Variants in UBE2G1 observed in about 807,000 individuals in gnomAD.
UBE2G1 encodes ubiquitin-conjugating enzyme E2 G1.
Under a neutral mutation model 22.7 loss-of-function variants are expected in UBE2G1, and 5 were observed. The ratio of observed to expected loss-of-function variants is 0.22; its 90% CI spans 0.12 to 0.46. The LOEUF (loss-of-function observed/expected upper bound fraction) is 0.46, where lower values mean the gene tolerates loss of function less well. Ranked by LOEUF, UBE2G1 falls within the 20% of genes least tolerant of loss-of-function variation. UBE2G1 has a pLI of 0.99. For missense variants in UBE2G1, 88 were observed against 203.9 expected (o/e 0.43, Z 3.46); for synonymous variants, 74 against 67.5 (o/e 1.10, Z -0.47).
intron 3 of UBE2G1, among the ~76,000 whole-genome samples, chr17:4,291,074 C>G (rs1420437672): frequency 6.6e-6 from 1 of 152,132 alleles, no homozygotes; most frequent in East Asian, 1.9e-4. Flanking sequence ...CAGAATAACA[C>G]CGAGGGCCGG....
chr17:4,306,752 A>G (rs1296558340), intron 2 of UBE2G1, among the ~76,000 whole-genome samples: 2 of 151,884 alleles, frequency 1.3e-5, no homozygotes, highest in Non-Finnish European at 2.9e-5. Flanking sequence ...CCTGAGTTCA[A>G]GTGATTCTCC....
In UBE2G1 at chr17:4,345,660, A is replaced by G. The variant is rs1323495006; in HGVS notation, c.46+20611T>C. ...CTTTCTTTAGTCATAGTAACGAGAG[A>G]TATCTGGTACTCCATTGCATTTACT... On this transcript the variant is annotated intron_variant, in intron 1 of 5. Transcript: ENST00000396981. 3.9e-5 allele frequency: 6 copies of G among 152,342 alleles called. No homozygotes were observed. The East Asian group carries it at 7.7e-4, about 20-fold the overall frequency. The allele number at this position is 152,342 out of a possible 1,614,324, so 9.4% of individuals were successfully genotyped here.
intron 1 of UBE2G1, among the ~76,000 whole-genome samples, chr17:4,351,030 CAAAAA>C (rs796508050): frequency 9.1e-6 from 1 of 109,926 alleles, no homozygotes. Context: ...AAGACTTCGT[CAAAAA>C]AAAAAAAAAA....
chr17:4,344,315 C>T (rs1296161404), intron 1 of UBE2G1, among the ~76,000 whole-genome samples: 3 of 151,816 alleles, frequency 2.0e-5, no homozygotes, highest in South Asian at 2.1e-4. Context: ...CCGAGGCAGG[C>T]GGATCACGAG....
chr17:4,272,124 A>C lies in UBE2G1; in HGVS notation c.*430T>G, dbSNP rs753963564. ...ATTGCTTTTCATCTGACATGCTTAA[A>C]GGAATCCTTTTAAACTGATAAGAAA... On this transcript the variant is annotated 3_prime_UTR_variant, in exon 6 of 6. Coordinates refer to ENST00000396981, the MANE Select transcript of UBE2G1 (RefSeq NM_003342.5). The C allele has an allele frequency of 1.7e-4, 26 of 152,760 alleles. No homozygotes were observed. Among genetic ancestry groups the C allele is most frequent in the Non-Finnish European group, 3.4e-4 (23 of 68,028 alleles). The allele number at this position is 152,760 out of a possible 1,614,324, so 9.5% of individuals were successfully genotyped here.
At chr17:4,345,132 GCAGC>G (rs1969754770) in intron 1 of UBE2G1, among the ~76,000 whole-genome samples, 2 of 152,132 alleles carry the variant, frequency 1.3e-5, no homozygotes, top group Admixed American at 1.3e-4. Context: ...CACCAAATGG[GCAGC>G]CAGAAATACA....
intron 1 of UBE2G1, among the ~76,000 whole-genome samples, chr17:4,311,688 C>T (rs570850587): frequency 6.6e-6 from 1 of 152,258 alleles, no homozygotes; most frequent in African/African-American, 2.4e-5. Flanking sequence ...GTGATGAGAA[C>T]GTCTGAAAGC....
chr17:4,282,146 A>C (rs1024287698), intron 5 of UBE2G1, among the ~76,000 whole-genome samples: 3 of 152,124 alleles, frequency 2.0e-5, no homozygotes, highest in Non-Finnish European at 4.4e-5. Context: ...GCCACGGTGC[A>C]ATCTTGGCTC....
intron 1 of UBE2G1, among the ~76,000 whole-genome samples, chr17:4,317,287 T>C (rs928924908): frequency 2.0e-5 from 3 of 151,954 alleles, no homozygotes; most frequent in Admixed American, 2.0e-4. Flanking sequence ...GAGAAGGAGG[T>C]TGCAATGAGC....
chr17:4,313,561 A>G (rs1376380807), intron 1 of UBE2G1, among the ~76,000 whole-genome samples: 1 of 152,206 alleles, frequency 6.6e-6, no homozygotes, highest in Non-Finnish European at 1.5e-5. Context: ...GCTAAAACAC[A>G]AAAGTTTATA....
intron 1 of UBE2G1, among the ~76,000 whole-genome samples, chr17:4,308,833 T>A (rs1969276659): frequency 6.6e-6 from 1 of 152,168 alleles, no homozygotes; most frequent in Admixed American, 6.5e-5. Flanking sequence ...TAACTCAGAG[T>A]GCTACAAAGG....
intron 1 of UBE2G1, chr17:4,364,218 C>A (rs1457532526): frequency 7.2e-6 from 1 of 139,040 alleles, no homozygotes; most frequent in African/African-American, 2.7e-5. Flanking sequence ...GAGCCGAGAT[C>A]GCGCAACTCC....
chr17:4,297,453 C>T (rs1044957851), intron 2 of UBE2G1, among the ~76,000 whole-genome samples: 1 of 152,098 alleles, frequency 6.6e-6, no homozygotes, highest in African/African-American at 2.4e-5. Flanking sequence ...AATAATGTAG[C>T]CACCAACCAC....
At chr17:4,290,015 C>T (rs575547269) in intron 3 of UBE2G1, among the ~76,000 whole-genome samples, 42 of 152,090 alleles carry the variant, frequency 2.8e-4, no homozygotes, top group Admixed American at 8.5e-4. Flanking sequence ...TTTCTATAAA[C>T]ACATTTAATA....
At chr17:4,315,757 A>AC (rs1277336672) in intron 1 of UBE2G1, among the ~76,000 whole-genome samples, 1 of 141,272 alleles carries the variant, frequency 7.1e-6, no homozygotes, top group Non-Finnish European at 1.5e-5. Flanking sequence ...CAAAAAACAA[A>AC]AAACAAAAAC....
chr17:4,290,099 T>C (rs1056879274), intron 3 of UBE2G1, among the ~76,000 whole-genome samples: 1 of 152,282 alleles, frequency 6.6e-6, no homozygotes. Context: ...AGTAAAATAT[T>C]ACTTATTCAT....
At chr17:4,317,260 G>C (rs1226959421) in intron 1 of UBE2G1, among the ~76,000 whole-genome samples, 1 of 152,234 alleles carries the variant, frequency 6.6e-6, no homozygotes, top group Non-Finnish European at 1.5e-5. Flanking sequence ...TGAGGCAGGA[G>C]AATCGCTTGA....
chr17:4,315,073 C>T (rs1969350369), intron 1 of UBE2G1, among the ~76,000 whole-genome samples: 1 of 152,006 alleles, frequency 6.6e-6, no homozygotes. Flanking sequence ...GGTTTTCTTA[C>T]CATTTTTAGA....
At chr17:4,289,908 G>T (rs1158334433) in intron 3 of UBE2G1, among the ~76,000 whole-genome samples, 2 of 152,086 alleles carry the variant, frequency 1.3e-5, no homozygotes, top group African/African-American at 2.4e-5. Context: ...AGCCAAAATT[G>T]TATTTTCTGA....
Sources: allele counts gnomAD v4.1 joint callset (sites outside exome capture counted in the v4.1 genomes callset), GRCh38; gene constraint gnomAD v4.1.1; transcripts MANE v1.5; gene names NCBI Gene and HGNC (gene_info 2026-07-23, HGNC 2026-07-21).